LARP1: variants seen among roughly 807,000 people sequenced by gnomAD.
LARP1 encodes the protein La ribonucleoprotein 1, translational regulator.
Under a neutral mutation model 122.7 loss-of-function variants are expected in LARP1, and 36 were observed. The observed-to-expected ratio is 0.29, with a 90% CI of 0.22 to 0.39. The LOEUF (loss-of-function observed/expected upper bound fraction) is 0.39, where lower values mean the gene tolerates loss of function less well. LARP1 is among the 10% of genes least tolerant of loss of function. The probability of loss-of-function intolerance (pLI) is 1.00; values close to 1 mark genes in which losing one functional copy is unlikely to be tolerated. For synonymous variants in LARP1, 539 were observed against 528.7 expected, an observed-to-expected ratio of 1.02 and a Z score of -0.27; for missense variants, 1,040 against 1,403.6, an observed-to-expected ratio of 0.74 and a Z score of 4.14.
chr5:154,815,524 G>C lies in LARP1; in HGVS notation c.*1428G>C, dbSNP rs1010485439. On this transcript the variant is annotated 3_prime_UTR_variant, in exon 19 of 19. Coordinates refer to ENST00000518297, the MANE Select transcript of LARP1 (RefSeq NM_033551.3). ...ATCTTTGAGACCTCAGGGAGGCTCTGTCTCTCTTAAAAGGTGGAGAAAGAT... is the reference window on the plus strand; with the variant it reads ...ATCTTTGAGACCTCAGGGAGGCTCTCTCTCTCTTAAAAGGTGGAGAAAGAT... 1 of 152,160 alleles carries C rather than the reference G, an allele frequency of 6.6e-6. No homozygotes were observed. Among genetic ancestry groups the C allele is most frequent in the African/African-American group, 2.4e-5 (1 of 41,416 alleles). 9.4% of individuals were successfully genotyped at this position (152,160 alleles called of 1,614,324 possible).
At position 154,794,273 on chromosome 5, in the gene LARP1, G is replaced by A. The variant is rs768856771; in HGVS notation, c.1232+11G>A. The A allele has an allele frequency of 1.3e-5, 21 of 1,612,586 alleles. No homozygotes were observed. The highest frequency in any genetic ancestry group is 2.2e-5 in the South Asian group (2 of 91,012). On this transcript the variant is annotated intron_variant, in intron 7 of 18. Coordinates refer to ENST00000518297, the MANE Select transcript of LARP1 (RefSeq NM_033551.3). ...CATCAAGCGCCAGATGTGAGTGTGC[G>A]GAAGCCTTCTTACCCTGGAGAAATG...
At position 154,762,016 on chromosome 5, in the gene LARP1, C is replaced by T. The variant is rs182450120; in HGVS notation, c.436+5823C>T. On this transcript the variant is annotated intron_variant, in intron 1 of 18. Coordinates refer to ENST00000518297, the MANE Select transcript of LARP1 (RefSeq NM_033551.3). ...TAGCACTTTGGAAGGCCGAGGCGGG[C>T]GGATCATGAGGTCAGGAGTTTTAAG... is the stretch of plus-strand genomic sequence containing the variant. 3.4e-3 allele frequency among the ~76,000 whole-genome samples: 518 copies of T among 152,086 alleles called. 2 individuals carry two copies. The highest frequency in any genetic ancestry group is 0.012 in the African/African-American group (487 of 41,472).
chr5:154,809,958 C>G (rs1461460465), intron 16 of LARP1, among the ~76,000 whole-genome samples: 1 of 152,060 alleles, frequency 6.6e-6, no homozygotes, highest in Non-Finnish European at 1.5e-5. Context: ...CCGCCTGTCT[C>G]AGCCTCCCAA....
chr5:154,747,119 G>C (rs13178916), intron 1 of LARP1, among the ~76,000 whole-genome samples: 41 of 151,888 alleles, frequency 2.7e-4, no homozygotes, highest in Non-Finnish European at 5.3e-4. Context: ...GACAGGGCGA[G>C]ACTCTGTCTC....
At chr5:154,772,551 A>G (rs1293725863) in intron 1 of LARP1, among the ~76,000 whole-genome samples, 3 of 152,332 alleles carry the variant, frequency 2.0e-5, no homozygotes, top group South Asian at 2.1e-4. Context: ...GTTTTTTCCT[A>G]TACATATGTA....
At chr5:154,763,573 G>T (rs2113610548) in intron 1 of LARP1, among the ~76,000 whole-genome samples, 1 of 152,040 alleles carries the variant, frequency 6.6e-6, no homozygotes, top group Middle Eastern at 3.4e-3. Flanking sequence ...GAGCCCAGGA[G>T]TTCAAGGCTG....
chr5:154,790,963 G>A (rs531890421), intron 3 of LARP1, among the ~76,000 whole-genome samples: 5 of 149,342 alleles, frequency 3.3e-5, no homozygotes, highest in African/African-American at 7.4e-5. Flanking sequence ...GATTACAGGC[G>A]CTCACCACCA....
At chr5:154,753,753 A>G (rs530651243), upstream of LARP1, among the ~76,000 whole-genome samples, 1 of 152,308 alleles carries the variant, frequency 6.6e-6, no homozygotes, top group Admixed American at 6.5e-5. Context: ...GAATAACCCA[A>G]GAGTTGGAAG....
chr5:154,740,799 C>T (rs994534294), intron 1 of LARP1, among the ~76,000 whole-genome samples: 2 of 152,202 alleles, frequency 1.3e-5, no homozygotes, highest in African/African-American at 4.8e-5. Context: ...ATGGTGGAGG[C>T]ATCTTTGGAA....
chr5:154,809,236 A>G (rs1327544508), intron 16 of LARP1, among the ~76,000 whole-genome samples: 1 of 151,650 alleles, frequency 6.6e-6, no homozygotes, highest in African/African-American at 2.4e-5. Context: ...AGGTCAAGGC[A>G]GAAGGATCAC....
upstream of LARP1, among the ~76,000 whole-genome samples, chr5:154,753,537 T>C (rs1376496279): frequency 6.6e-6 from 1 of 152,254 alleles, no homozygotes; most frequent in African/African-American, 2.4e-5. Flanking sequence ...CCTGGTTTAA[T>C]TCATTGAGTA....
chr5:154,764,207 G>A (rs776788722), intron 1 of LARP1, among the ~76,000 whole-genome samples: 31 of 151,906 alleles, frequency 2.0e-4, no homozygotes, highest in Non-Finnish European at 3.7e-4. Flanking sequence ...CTACTCGGGA[G>A]GCTGAGGCAG....
At chr5:154,752,391 C>T (rs188999297), upstream of LARP1, among the ~76,000 whole-genome samples, 14 of 151,810 alleles carry the variant, frequency 9.2e-5, no homozygotes, top group African/African-American at 2.9e-4. Flanking sequence ...TACAGGTGTG[C>T]GCCACCATGC....
intron 1 of LARP1, among the ~76,000 whole-genome samples, chr5:154,686,212 A>T (rs908932971): frequency 6.6e-6 from 1 of 152,196 alleles, no homozygotes. Context: ...TCTTACTGAA[A>T]CAACTGTGGG....
chr5:154,792,868 C>A, intron 4 of LARP1, 72 bp downstream of exon 4: 1 of 1,491,902 alleles, frequency 6.7e-7, no homozygotes, highest in Non-Finnish European at 9.1e-7. Context: ...CTCCAGGGGA[C>A]TGCTGGAGGA....
chr5:154,757,995 CAG>C (rs1362523703), intron 1 of LARP1, among the ~76,000 whole-genome samples: 1 of 150,814 alleles, frequency 6.6e-6, no homozygotes, highest in African/African-American at 2.4e-5. Context: ...TATCCACCCA[CAG>C]AGTGAAGGAA....
intron 1 of LARP1, among the ~76,000 whole-genome samples, chr5:154,731,225 T>A (rs1186852337): frequency 1.3e-5 from 2 of 152,076 alleles, no homozygotes; most frequent in Admixed American, 1.3e-4. Context: ...AGTAAAAAGA[T>A]ACTAGAAGAA....
intron 1 of LARP1, chr5:154,729,612 C>T (rs1756434236): frequency 2.4e-6 from 1 of 417,870 alleles, no homozygotes; most frequent in Admixed American, 2.7e-5. Context: ...AAGCACCAGC[C>T]ACTCCACCCA....
chr5:154,790,337 C>T lies in LARP1; in HGVS notation c.449C>T (p.Pro150Leu). The T allele has an allele frequency of 6.2e-7, 1 of 1,613,570 alleles. No homozygotes were observed. Among genetic ancestry groups the T allele is most frequent in the South Asian group, 1.1e-5 (1 of 90,896 alleles). ...CTTGTTCCCACAGAACACTCTGCTC[C>T]AGCCAAGGTGGTGAGGGCAGCTGTT... Reference protein sequence around the residue: ...NGQSPPEHSAPAKVVRAAVPK... With the variant: ...NGQSPPEHSALAKVVRAAVPK... The change falls in exon 2 of 19, where the codon CCA (proline) becomes CTA (leucine). Residue 150 changes from proline to leucine, a missense_variant. Around this residue, in one of 8 missense-constraint regions of LARP1, gnomAD observed 257 missense variants for 273.3 expected, o/e 0.94. Coordinates refer to ENST00000518297, the MANE Select transcript of LARP1 (RefSeq NM_033551.3).
Sources: gnomAD v4.1 joint callset for allele counts (sites outside exome capture counted in the v4.1 genomes callset) on GRCh38, gnomAD v4.1.1 for gene constraint, gnomAD v4.1.1 regional missense constraint, MANE v1.5 for transcripts, NCBI Gene and HGNC (gene_info 2026-07-23, HGNC 2026-07-21) for gene names.